Variants in DTNB observed in about 807,000 individuals in gnomAD.
The protein encoded by DTNB is dystrobrevin beta.
A neutral mutation model predicts 90.7 loss-of-function variants in DTNB; 63 were observed. The observed-to-expected ratio is 0.69, with a 90% confidence interval of 0.57 to 0.86. The LOEUF (loss-of-function observed/expected upper bound fraction) is 0.86. Ranked by LOEUF, DTNB falls within the 40% of genes least tolerant of loss-of-function variation. The probability of loss-of-function intolerance (pLI) is 0.00; values close to 1 mark genes in which losing one functional copy is unlikely to be tolerated. For synonymous variants in DTNB, 277 were observed against 286.7 expected, an observed-to-expected ratio of 0.97 and a Z score of 0.34; for missense variants, 744 against 807.1, an observed-to-expected ratio of 0.92 and a Z score of 0.95.
chr2:25,437,865 C>A (rs1223130721), intron 12 of DTNB, among the ~76,000 whole-genome samples: 1 of 152,136 alleles, frequency 6.6e-6, no homozygotes, highest in Non-Finnish European at 1.5e-5. Context: ...ATAGCCCCAC[C>A]CCCATGGAGC....
At chr2:25,565,155 G>A (rs1166774569) in intron 8 of DTNB, among the ~76,000 whole-genome samples, 1 of 152,160 alleles carries the variant, frequency 6.6e-6, no homozygotes, top group Non-Finnish European at 1.5e-5. Context: ...AATAAAAATG[G>A]CAGGAGTGGA....
chr2:25,602,778 G>C (rs1443879417), intron 5 of DTNB, among the ~76,000 whole-genome samples: 2 of 152,044 alleles, frequency 1.3e-5, no homozygotes, highest in Non-Finnish European at 2.9e-5. Context: ...TATTATTTTG[G>C]TATATTTCTT....
chr2:25,559,521 G>A (rs1211065064), intron 8 of DTNB, among the ~76,000 whole-genome samples: 1 of 152,146 alleles, frequency 6.6e-6, no homozygotes, highest in African/African-American at 2.4e-5. Flanking sequence ...CAAAACCCAA[G>A]TTGTCCCTCC....
At chr2:25,443,327 C>G (rs1433407428) in intron 12 of DTNB, among the ~76,000 whole-genome samples, 2 of 152,222 alleles carry the variant, frequency 1.3e-5, no homozygotes, top group East Asian at 1.9e-4. Context: ...CAGGAGCATT[C>G]TCTCAGGTTC....
At chr2:25,497,933 G>C (rs1233073107) in intron 9 of DTNB, among the ~76,000 whole-genome samples, 1 of 152,132 alleles carries the variant, frequency 6.6e-6, no homozygotes, top group Non-Finnish European at 1.5e-5. Flanking sequence ...ATTTCTCACA[G>C]CTAAAATCAC....
At chr2:25,447,624 T>C (rs955558845) in intron 12 of DTNB, among the ~76,000 whole-genome samples, 1 of 151,568 alleles carries the variant, frequency 6.6e-6, no homozygotes, top group Admixed American at 6.6e-5. Context: ...CCTGCCTCAG[T>C]TTCCCAAGAA....
chr2:25,571,986 T>C (rs1174534456), intron 8 of DTNB, among the ~76,000 whole-genome samples: 1 of 152,162 alleles, frequency 6.6e-6, no homozygotes, highest in East Asian at 1.9e-4. Context: ...AATCTTCAGG[T>C]ACCTTTTTGT....
chr2:25,670,982 G>A (rs913041101), intron 1 of DTNB, among the ~76,000 whole-genome samples: 1 of 152,158 alleles, frequency 6.6e-6, no homozygotes. Context: ...CTTAGTAGCT[G>A]TCTCAATGAT....
intron 16 of DTNB, chr2:25,419,241 G>A (rs1055574694): frequency 1.8e-6 from 1 of 551,108 alleles, no homozygotes; most frequent in Non-Finnish European, 3.3e-6. Flanking sequence ...GCAGGAAAAT[G>A]CAATGGTAGC....
At chr2:25,455,518 A>T in intron 10 of DTNB, 24 bp from the exon 11 acceptor site, 1 of 1,585,276 alleles carries the variant, frequency 6.3e-7, no homozygotes, top group Non-Finnish European at 8.6e-7. Context: ...AGGCAAAGAC[A>T]GCAAGCGTGA....
chr2:25,623,325 C>T (rs1390517343), intron 4 of DTNB, among the ~76,000 whole-genome samples: 4 of 152,090 alleles, frequency 2.6e-5, no homozygotes, highest in Non-Finnish European at 5.9e-5. Context: ...TCACTTTTTC[C>T]ATGTAAGTGA....
intron 5 of DTNB, among the ~76,000 whole-genome samples, chr2:25,604,399 T>TC (rs1559199926): frequency 2.9e-4 from 43 of 149,266 alleles, no homozygotes; most frequent in South Asian, 8.5e-4. Context: ...TCTCCCTTCT[T>TC]TCTCTCTCTC....
At chr2:25,455,153 C>A (rs1473400739) in intron 11 of DTNB, among the ~76,000 whole-genome samples, 1 of 152,164 alleles carries the variant, frequency 6.6e-6, no homozygotes, top group African/African-American at 2.4e-5. Flanking sequence ...TGAGTGTAAG[C>A]TGAAGGAAGT....
chr2:25,569,884 G>T (rs564235338), intron 8 of DTNB, among the ~76,000 whole-genome samples: 5 of 151,972 alleles, frequency 3.3e-5, no homozygotes, highest in South Asian at 4.2e-4. Context: ...ATCACCTGAG[G>T]TCAGGAGTTT....
At chr2:25,583,962 A>C (rs1276901339) in intron 6 of DTNB, among the ~76,000 whole-genome samples, 1 of 152,192 alleles carries the variant, frequency 6.6e-6, no homozygotes, top group Non-Finnish European at 1.5e-5. Context: ...CAAAAACATG[A>C]GGAATGAAAC....
intron 5 of DTNB, among the ~76,000 whole-genome samples, chr2:25,599,285 G>T (rs957108973): frequency 6.6e-6 from 1 of 151,490 alleles, no homozygotes; most frequent in African/African-American, 2.4e-5. Flanking sequence ...ATTGACATAA[G>T]CAAATCAAAG....
chr2:25,608,069 G>A (rs1433629259), intron 4 of DTNB, among the ~76,000 whole-genome samples: 1 of 152,142 alleles, frequency 6.6e-6, no homozygotes, highest in Non-Finnish European at 1.5e-5. Flanking sequence ...ACTATGCCCT[G>A]GTTTCACAGC....
At chr2:25,444,914 A>G (rs918463206) in intron 12 of DTNB, among the ~76,000 whole-genome samples, 1 of 152,222 alleles carries the variant, frequency 6.6e-6, no homozygotes. Context: ...GAGTGGCTCA[A>G]TAGTTATAAG....
At chr2:25,507,855 C>A (rs1465585055) in intron 9 of DTNB, among the ~76,000 whole-genome samples, 1 of 152,186 alleles carries the variant, frequency 6.6e-6, no homozygotes, top group Non-Finnish European at 1.5e-5. Context: ...ATTTAACTCC[C>A]CCTCTACCAG....
Sources: gnomAD v4.1 joint callset for allele counts (sites outside exome capture counted in the v4.1 genomes callset) on GRCh38, gnomAD v4.1.1 for gene constraint, MANE v1.5 for transcripts, NCBI Gene and HGNC (gene_info 2026-07-23, HGNC 2026-07-21) for gene names.